Variants in CCDC40 observed in about 807,000 individuals in gnomAD.
CCDC40 encodes coiled-coil domain 40 molecular ruler complex subunit.
CCDC40 carries 104 observed loss-of-function variants against 124.5 expected under a neutral mutation model. The observed-to-expected ratio is 0.84, with a 90% CI of 0.71 to 0.98. The LOEUF is 0.98. CCDC40 is among the 50% of genes least tolerant of loss of function. The probability of loss-of-function intolerance (pLI) is 0.00; values close to 1 mark genes in which losing one functional copy is unlikely to be tolerated. For synonymous variants in CCDC40, 580 were observed against 602.9 expected (o/e 0.96, Z 0.56); for missense variants, 1,463 against 1,503.9 (o/e 0.97, Z 0.45).
intron 9 of CCDC40, 37 bp downstream of exon 9, chr17:80,059,017 T>C: frequency 1.9e-6 from 3 of 1,613,760 alleles, no homozygotes; most frequent in Non-Finnish European, 2.5e-6. Context: ...TGTTCGACCC[T>C]CCAGTGAGTG....
chr17:80,100,322 T>A lies in CCDC40; in HGVS notation c.*547T>A, dbSNP rs2038898678. The A allele has an allele frequency of 2.3e-5, 4 of 171,472 alleles. No individual in the cohort carries two copies. The highest frequency in any genetic ancestry group is 2.2e-4 in the Admixed American group (4 of 18,240). 10.6% of individuals were successfully genotyped at this position (171,472 alleles called of 1,614,324 possible). ...CTTTTCCTGCCCCCATGTCCCCATT[T>A]GAGTTAAATTCAGATCCACAGCTTG... On this transcript the variant is annotated 3_prime_UTR_variant, in exon 20 of 20. Coordinates refer to ENST00000397545, the MANE Select transcript of CCDC40 (RefSeq NM_017950.4).
intron 10 of CCDC40, among the ~76,000 whole-genome samples, chr17:80,078,847 A>C (rs533644611): frequency 4.6e-5 from 7 of 152,136 alleles, no homozygotes; most frequent in African/African-American, 1.7e-4. Context: ...CATTGAATCC[A>C]TAGATCAGTT....
chr17:80,061,968 G>C (rs539535091), intron 9 of CCDC40, among the ~76,000 whole-genome samples: 3 of 152,138 alleles, frequency 2.0e-5, no homozygotes, highest in Admixed American at 6.5e-5. Flanking sequence ...GATAAAGCCA[G>C]GCTTGGTGGG....
chr17:80,096,822 C>T (rs781440224), intron 18 of CCDC40, among the ~76,000 whole-genome samples: 2 of 152,244 alleles, frequency 1.3e-5, no homozygotes, highest in African/African-American at 2.4e-5. Context: ...TCCCCGAAGG[C>T]GGAACGAACA....
chr17:80,044,213 C>T (rs2037355064), intron 3 of CCDC40, among the ~76,000 whole-genome samples: 1 of 152,128 alleles, frequency 6.6e-6, no homozygotes, highest in Admixed American at 6.6e-5. Context: ...TCAAAGCCAC[C>T]GTTCTGAACC....
intron 10 of CCDC40, among the ~76,000 whole-genome samples, chr17:80,070,510 A>G (rs1415486360): frequency 6.6e-6 from 1 of 152,196 alleles, no homozygotes; most frequent in African/African-American, 2.4e-5. Flanking sequence ...CAGAAGCAGG[A>G]TGATCACTTG....
At chr17:80,064,841 T>C (rs1190694729) in intron 9 of CCDC40, among the ~76,000 whole-genome samples, 1 of 151,382 alleles carries the variant, frequency 6.6e-6, no homozygotes, top group Non-Finnish European at 1.5e-5. Flanking sequence ...TTCCCCCAGC[T>C]GGACGAGAGC....
At chr17:80,065,242 C>A (rs1016536795) in intron 9 of CCDC40, among the ~76,000 whole-genome samples, 7 of 135,626 alleles carry the variant, frequency 5.2e-5, no homozygotes, top group Non-Finnish European at 9.5e-5. Flanking sequence ...TCCCTTCCCT[C>A]CTCCTCCTCA....
In CCDC40 at chr17:80,091,330, C is replaced by G. The variant is rs71389732; in HGVS notation, c.2832+1446C>G. Among the ~76,000 whole-genome samples, 82 of 65,780 alleles carry G rather than the reference C, an allele frequency of 1.2e-3. 2 individuals are homozygous for G. Among genetic ancestry groups the G allele is most frequent in the African/African-American group, 2.6e-3 (33 of 12,618 alleles). 43.2% of individuals were successfully genotyped at this position (65,780 alleles called of 152,430 possible). A position where few individuals can be genotyped will look rare whatever the true frequency, so the allele number is the denominator to read the frequency against. ...ACACACACACACACACACACACACA[C>G]ACACACACACACAGAGAGAGAGAGA... On this transcript the variant is annotated intron_variant, in intron 17 of 19. Coordinates refer to ENST00000397545, the MANE Select transcript of CCDC40 (RefSeq NM_017950.4).
chr17:80,072,532 A>G (rs12941941), intron 10 of CCDC40, among the ~76,000 whole-genome samples: 1,575 of 152,320 alleles, frequency 0.01, 15 homozygotes, highest in South Asian at 0.031. Context: ...AAAAAAGAAA[A>G]TGAGTAACTT....
chr17:80,058,370 A>C lies in CCDC40; in HGVS notation c.1160-124A>C. 1 of 816,390 alleles carries C rather than the reference A, an allele frequency of 1.2e-6. No homozygotes were observed. The highest frequency in any genetic ancestry group is 2.0e-6 in the Non-Finnish European group (1 of 494,278). 50.6% of individuals were successfully genotyped at this position (816,390 alleles called of 1,614,324 possible). Reference sequence around the variant, plus strand: ...TAAAAGCAGTTTCCCAGTCTTACCCAAAAATGGCAGGAAGGGTGCCCAGAA... The same window carrying C: ...TAAAAGCAGTTTCCCAGTCTTACCCCAAAATGGCAGGAAGGGTGCCCAGAA... On this transcript the variant is annotated intron_variant, in intron 7 of 19. Transcript: ENST00000397545. This position sits in a 1 kb window ranked among gnomAD's most constrained non-coding sequence, Gnocchi z 4.2.
In CCDC40 at chr17:80,056,000, A is replaced by ATTTTTTTT. The variant is rs1285051283; in HGVS notation, c.1160-2493_1160-2492insTTTTTTTT. On this transcript the variant is annotated intron_variant, in intron 7 of 19. Coordinates refer to ENST00000397545, the MANE Select transcript of CCDC40 (RefSeq NM_017950.4). Reference sequence around the variant, plus strand: ...AATTTTCATATATATATATATATATATATATATATATATATATTTTTTTTT... The same window carrying ATTTTTTTT: ...AATTTTCATATATATATATATATATATTTTTTTTTATATATATATATATATTTTTTTTT... Among the ~76,000 whole-genome samples, 26 of 7,562 alleles carry ATTTTTTTT rather than the reference A, an allele frequency of 3.4e-3. 5 individuals carry two copies. The highest frequency in any genetic ancestry group is 6.3e-3 in the Non-Finnish European group (20 of 3,196). The allele number at this position is 7,562 out of a possible 152,430, so 5.0% of individuals were successfully genotyped here.
In CCDC40 at chr17:80,043,948, C is replaced by A. The variant is rs578228416; in HGVS notation, c.553-3331C>A. ...TCCCACTTTTACTGCCTTGGCTGCC[C>A]CCTACTCCCAGCATACCTTAGGTTT... is the stretch of plus-strand genomic sequence containing the variant. On this transcript the variant is annotated intron_variant, in intron 3 of 19. Transcript: ENST00000397545. 1.1e-4 allele frequency among the ~76,000 whole-genome samples: 16 copies of A among 152,288 alleles called. No homozygotes were observed. In the South Asian group the frequency reaches 3.3e-3, roughly 32 times the overall value.
intron 7 of CCDC40, among the ~76,000 whole-genome samples, chr17:80,050,549 G>C (rs1476548826): frequency 6.6e-6 from 1 of 152,202 alleles, no homozygotes; most frequent in East Asian, 1.9e-4. Flanking sequence ...GATCAAGCCA[G>C]TCTCCTGGCT....
intron 17 of CCDC40, among the ~76,000 whole-genome samples, chr17:80,094,150 G>A (rs1238519544): frequency 3.3e-5 from 5 of 151,706 alleles, no homozygotes; most frequent in Admixed American, 1.3e-4. Flanking sequence ...GGTGGCTCAC[G>A]CCTGTAATCC....
chr17:80,048,451 G>A (rs1450996452), intron 4 of CCDC40, 132 bp from the exon 5 acceptor site: 1 of 753,716 alleles, frequency 1.3e-6, no homozygotes, highest in African/African-American at 1.7e-5. Context: ...AGACCGTTGG[G>A]ATGCTTTTGC....
At chr17:80,048,351 C>G (rs1401023027) in intron 4 of CCDC40, 3 of 581,524 alleles carry the variant, frequency 5.2e-6, no homozygotes, top group Non-Finnish European at 9.3e-6. Context: ...AAAATAATTT[C>G]CTTCCTGCCT....
intron 3 of CCDC40, among the ~76,000 whole-genome samples, chr17:80,042,739 T>G (rs1391415092): frequency 1.3e-5 from 2 of 152,206 alleles, no homozygotes; most frequent in Non-Finnish European, 2.9e-5. Flanking sequence ...CTTGCCCTGA[T>G]CTTACAGGAA....
chr17:80,045,260 G>C (rs2037393208), intron 3 of CCDC40, among the ~76,000 whole-genome samples: 1 of 152,210 alleles, frequency 6.6e-6, no homozygotes, highest in Non-Finnish European at 1.5e-5. Context: ...AACCTGACTT[G>C]TGGGGTTATG....
Sources: gnomAD v4.1 joint callset for allele counts (sites outside exome capture counted in the v4.1 genomes callset) on GRCh38, gnomAD v4.1.1 for gene constraint, Gnocchi (gnomAD v3.1) non-coding constraint, MANE v1.5 for transcripts, NCBI Gene and HGNC (gene_info 2026-07-23, HGNC 2026-07-21) for gene names.